The following TASOR2 variants were observed in gnomAD, a reference collection of about 807,000 sequenced individuals.
The protein encoded by TASOR2 is transcription activation suppressor family member 2, also known as protein TASOR 2.
In TASOR2, 84 loss-of-function variants were observed where a neutral mutation model predicts 199.5. The observed-to-expected ratio is 0.42, with a 90% confidence interval of 0.35 to 0.50. TASOR2 has a LOEUF of 0.50. Among genes scored for constraint, TASOR2 ranks in the 20% least tolerant of loss-of-function variants. The pLI is 0.02. For missense variants in TASOR2, 2,796 were observed against 2,835.9 expected, an observed-to-expected ratio of 0.99 and a Z score of 0.32; for synonymous variants, 1,103 against 1,046.6, an observed-to-expected ratio of 1.05 and a Z score of -1.04.
intron 18 of TASOR2, 39 bp downstream of exon 19, chr10:5,759,031 T>A (rs565341223): frequency 1.4e-6 from 2 of 1,471,154 alleles, no homozygotes; most frequent in South Asian, 2.3e-5. Context: ...CCTGCCCTGC[T>A]GGGGTAGCAG....
Position 5,706,406 on chromosome 10 carries a change from A to G in TASOR2, c.-287-6417A>G, listed in dbSNP as rs1000120070. Among the ~76,000 whole-genome samples, 3 of 152,174 alleles carry G rather than the reference A, an allele frequency of 2.0e-5. No individual in the cohort carries two copies. Among genetic ancestry groups the G allele is most frequent in the Non-Finnish European group, 2.9e-5 (2 of 68,032 alleles). ...CTGTAGATCAATTTTGTGTCTTAAC[A>G]TCCCCCAGCAAAGTTAGAAAGCCAG... On this transcript the variant is annotated intron_variant, in intron 1 of 20. Coordinates refer to ENST00000328090, the Ensembl canonical transcript of TASOR2. The surrounding 1 kb of genome is among the most constrained non-coding windows in gnomAD (Gnocchi z 4.8).
chr10:5,724,087 G>C (rs1278052644), intron 7 of TASOR2, among the ~76,000 whole-genome samples: 1 of 152,032 alleles, frequency 6.6e-6, no homozygotes, highest in East Asian at 1.9e-4. Context: ...AGTTTTTGTT[G>C]GTTTTATTTA....
In TASOR2 at chr10:5,724,648, G is replaced by GAT. The variant is rs542167008; in HGVS notation, c.351+117_351+118dup. On this transcript the variant is annotated intron_variant, in intron 8 of 20. Coordinates refer to ENST00000328090, the Ensembl canonical transcript of TASOR2. ...ATATATATATATAGATAGATAGATAGATAGATATAGATATAGATATATAGA... is the reference window on the plus strand; with the variant it reads ...ATATATATATATAGATAGATAGATAGATATAGATATAGATATAGATATATAGA... The GAT allele has an allele frequency of 1.0e-4, 19 of 187,462 alleles. No individual in the cohort carries two copies. The South Asian group carries it at 1.4e-3, about 14-fold the overall frequency. 11.6% of individuals were successfully genotyped at this position (187,462 alleles called of 1,614,324 possible). A position where few individuals can be genotyped will look rare whatever the true frequency, so the allele number is the denominator to read the frequency against.
At position 5,752,634 on chromosome 10, in the gene TASOR2, C is replaced by A. The variant is rs191420079; in HGVS notation, c.6606+2607C>A. 1.3e-5 allele frequency among the ~76,000 whole-genome samples: 2 copies of A among 152,338 alleles called. No homozygotes were observed. The highest frequency in any genetic ancestry group is 1.5e-5 in the Non-Finnish European group (1 of 68,030). ...CACGTGTCCCTTATTGTCACAGTGT[C>A]CCCTGGGTGCAGGGTCACAAGACCA... On this transcript the variant is annotated intron_variant, in intron 15 of 20. Coordinates refer to ENST00000328090, the Ensembl canonical transcript of TASOR2. The surrounding 1 kb of genome is among the most constrained non-coding windows in gnomAD (Gnocchi z 4.4).
chr10:5,723,706 T>A, exon 7 of TASOR2: 1 of 1,594,782 alleles, frequency 6.3e-7, no homozygotes, highest in Non-Finnish European at 8.6e-7. Context: ...AAATATGTAA[T>A]GAAAGTGTCT....
intron 17 of TASOR2, among the ~76,000 whole-genome samples, chr10:5,758,605 G>A (rs894942046): frequency 6.6e-6 from 1 of 152,124 alleles, no homozygotes; most frequent in Non-Finnish European, 1.5e-5. Context: ...CTTCTCTTCT[G>A]TCACACAATT....
At chr10:5,746,224 C>G in exon 15 of TASOR2, 1 of 1,608,506 alleles carries the variant, frequency 6.2e-7, no homozygotes, top group Non-Finnish European at 8.5e-7. Flanking sequence ...GACTTCTAAT[C>G]TTGTGCTTTC....
At chr10:5,735,346 T>G (rs1013566176) in exon 12 of TASOR2, 1 of 1,613,960 alleles carries the variant, frequency 6.2e-7, no homozygotes, top group Non-Finnish European at 8.5e-7. Flanking sequence ...AAAACCAAAT[T>G]GGATAGGAAA....
chr10:5,716,613 A>G (rs540600477), intron 2 of TASOR2, among the ~76,000 whole-genome samples: 66 of 152,236 alleles, frequency 4.3e-4, no homozygotes, highest in African/African-American at 1.4e-3. Context: ...GAAGTTTAGC[A>G]GATAATATTA....
At position 5,751,423 on chromosome 10, in the gene TASOR2, T is replaced by C. The variant is rs976550566; in HGVS notation, c.6606+1396T>C. 1.3e-5 allele frequency among the ~76,000 whole-genome samples: 2 copies of C among 152,246 alleles called. No individual in the cohort carries two copies. Among genetic ancestry groups the C allele is most frequent in the Non-Finnish European group, 2.9e-5 (2 of 68,036 alleles). On this transcript the variant is annotated intron_variant, in intron 15 of 20. Transcript: ENST00000328090. This position sits in a 1 kb window ranked among gnomAD's most constrained non-coding sequence, Gnocchi z 5.3. ...CCCTTATTTTCCATTCATCTATTCA[T>C]TTGCTTATCTGTATCACTATGGACC...
rs755418691 is a variant in TASOR2, at chr10:5,747,079, T to A, written c.3658T>A (p.Ser1220Thr). 1.2e-5 allele frequency: 20 copies of A among 1,614,034 alleles called. No homozygotes were observed. The highest frequency in any genetic ancestry group is 3.3e-5 in the Admixed American group (2 of 60,002). ...CTCTACCACCTTGGGAAGGCAGTGTTCACTTAACTGCATTTCGTCAGGATG... is the reference window on the plus strand; with the variant it reads ...CTCTACCACCTTGGGAAGGCAGTGTACACTTAACTGCATTTCGTCAGGATG... Residue 1220 changes from serine to threonine, a missense_variant, in exon 15 of 21, where the codon TCA (serine) becomes ACA (threonine). By Grantham distance (58) the Ser-to-Thr change is moderately conservative. This residue lies in a region of TASOR2 where 1,941 missense variants were observed against 1,924.9 expected (regional missense o/e 1.01). Coordinates refer to ENST00000328090, the Ensembl canonical transcript of TASOR2.
intron 1 of TASOR2, among the ~76,000 whole-genome samples, chr10:5,688,733 G>A (rs1368365061): frequency 6.6e-6 from 1 of 152,062 alleles, no homozygotes; most frequent in Non-Finnish European, 1.5e-5. Context: ...TTGGTTGGGT[G>A]CGTGGGCTCA....
intron 14 of TASOR2, chr10:5,743,875 T>G (rs1298926273): frequency 7.0e-6 from 1 of 143,188 alleles, no homozygotes; most frequent in Non-Finnish European, 1.5e-5. Flanking sequence ...GTCATCTTGT[T>G]GAATGCTGTG....
chr10:5,706,340 A>G lies in TASOR2; in HGVS notation c.-287-6483A>G, dbSNP rs879409550. ...TATATCTTTCTTATATAAATTTTAG[A>G]ATCAGATCATCAGTTTCTGCAAACT... On this transcript the variant is annotated intron_variant, in intron 1 of 20. Transcript: ENST00000328090. This position sits in a 1 kb window ranked among gnomAD's most constrained non-coding sequence, Gnocchi z 4.8. 1.3e-5 allele frequency among the ~76,000 whole-genome samples: 2 copies of G among 152,162 alleles called. No homozygotes were observed. The highest frequency in any genetic ancestry group is 2.4e-5 in the African/African-American group (1 of 41,422).
chr10:5,762,826 T>G, intron 20 of TASOR2, 180 bp downstream of exon 21: 1 of 632,552 alleles, frequency 1.6e-6, no homozygotes, highest in Non-Finnish European at 2.7e-6. Context: ...TCCTAAATTA[T>G]CACTAAATGA....
At chr10:5,747,024 G>T in exon 15 of TASOR2, 1 of 1,614,124 alleles carries the variant, frequency 6.2e-7, no homozygotes, top group Non-Finnish European at 8.5e-7. Context: ...TTCTAGAACT[G>T]ACACAGGTTG....
Position 5,755,003 on chromosome 10 carries a change from G to A in TASOR2, c.6607-1610G>A, listed in dbSNP as rs564401107. ...AGAGCTTGCAGTGAGCCGAGATCGC[G>A]CCACTGCACTCCAGCCTGGGCAACA... is the stretch of plus-strand genomic sequence containing the variant. On this transcript the variant is annotated intron_variant, in intron 15 of 20. Transcript: ENST00000328090. 4.2e-4 allele frequency among the ~76,000 whole-genome samples: 56 copies of A among 134,402 alleles called. No individual in the cohort carries two copies. The East Asian group carries it at 9.5e-3, about 23-fold the overall frequency. The allele number at this position is 134,402 out of a possible 152,430, so 88.2% of individuals were successfully genotyped here.
Position 5,735,308 on chromosome 10 carries a change from G to A in TASOR2, c.1209G>A (p.Ala403=), listed in dbSNP as rs146574498. The stretch of plus-strand genomic sequence containing the variant: ...ATGATGTCTTTTCTACATAAGGTGC[G>A]GAAGTGCTGACTGCACAGTTTGTAC... Residue 403 remains alanine, a synonymous_variant, in exon 12 of 21, where the codon GCG becomes GCA. Coordinates refer to ENST00000328090, the Ensembl canonical transcript of TASOR2. The A allele has an allele frequency of 9.5e-5, 154 of 1,613,236 alleles. 1 individual carries two copies. In the African/African-American group the frequency reaches 1.5e-3, roughly 16 times the overall value.
In TASOR2 at chr10:5,720,248, T is replaced by G; in HGVS notation, c.-99-296T>G. On this transcript the variant is annotated intron_variant, in intron 3 of 20. Coordinates refer to ENST00000328090, the Ensembl canonical transcript of TASOR2. The surrounding 1 kb of genome is among the most constrained non-coding windows in gnomAD (Gnocchi z 5.3). Reference sequence around the variant, plus strand: ...CGAAGGCATCTGATTAGTTTTAATATTTTCATTCTAGGGAAAAGTCAAGTT... The same window carrying G: ...CGAAGGCATCTGATTAGTTTTAATAGTTTCATTCTAGGGAAAAGTCAAGTT... The G allele has an allele frequency of 1.0e-6, 1 of 985,136 alleles. No homozygotes were observed. Among genetic ancestry groups the G allele is most frequent in the Non-Finnish European group, 1.2e-6 (1 of 829,660 alleles). The allele number at this position is 985,136 out of a possible 1,614,324, so 61.0% of individuals were successfully genotyped here.
Sources: gnomAD v4.1 joint callset for allele counts (sites outside exome capture counted in the v4.1 genomes callset) on GRCh38, gnomAD v4.1.1 for gene constraint, gnomAD v4.1.1 regional missense constraint, Gnocchi (gnomAD v3.1) non-coding constraint, MANE v1.5 for transcripts, NCBI Gene and HGNC (gene_info 2026-07-23, HGNC 2026-07-21) for gene names.